TENM3: variants seen among roughly 807,000 people sequenced by gnomAD.
The protein encoded by TENM3 is teneurin transmembrane protein 3, also known as teneurin-3.
Under a neutral mutation model 255.1 loss-of-function variants are expected in TENM3, and 63 were observed. The observed-to-expected ratio is 0.25, with a 90% CI of 0.20 to 0.30. The LOEUF (loss-of-function observed/expected upper bound fraction) is 0.30. Among genes scored for constraint, TENM3 ranks in the 10% least tolerant of loss-of-function variants. TENM3 has a pLI of 1.00. For synonymous variants in TENM3, 1,306 were observed against 1,322.3 expected (o/e 0.99, Z 0.27); for missense variants, 2,929 against 3,461.1 (o/e 0.85, Z 3.86).
intron 3 of TENM3, among the ~76,000 whole-genome samples, chr4:182,563,862 T>A (rs2151983170): frequency 6.6e-6 from 1 of 152,322 alleles, no homozygotes; most frequent in Non-Finnish European, 1.5e-5. Context: ...AAAGTTATAG[T>A]TTTTATTGAT....
chr4:182,750,079 AT>A (rs1323428802), intron 19 of TENM3, among the ~76,000 whole-genome samples: 14 of 152,214 alleles, frequency 9.2e-5, no homozygotes, highest in Non-Finnish European at 2.1e-4. Flanking sequence ...AAGGGATGCA[AT>A]ATGTGTTGCT....
chr4:182,295,977 G>A (rs910465496), intron 1 of TENM3, among the ~76,000 whole-genome samples: 11 of 152,172 alleles, frequency 7.2e-5, no homozygotes, highest in African/African-American at 2.4e-4. Flanking sequence ...TTGAAATAGC[G>A]TTTCACTCTT....
At chr4:181,846,240 GA>G in the TENM3 span, among the ~76,000 whole-genome samples, 4 of 151,886 alleles carry the variant, frequency 2.6e-5, no homozygotes, top group Admixed American at 1.3e-4. Flanking sequence ...ATAAACATGT[GA>G]AAATATTTTG....
the TENM3 span, among the ~76,000 whole-genome samples, chr4:181,452,160 G>A: frequency 6.6e-6 from 1 of 152,160 alleles, no homozygotes; most frequent in Non-Finnish European, 1.5e-5. Context: ...TTTGATAGAA[G>A]AGTGGGCAAA....
chr4:181,506,847 T>C, the TENM3 span, among the ~76,000 whole-genome samples: 16,258 of 151,942 alleles, frequency 0.11, 998 homozygotes, highest in South Asian at 0.26. Context: ...CAATATTATG[T>C]GGTCTCAGTA....
At chr4:182,777,461 A>T (rs1428979623) in intron 24 of TENM3, among the ~76,000 whole-genome samples, 1 of 150,512 alleles carries the variant, frequency 6.6e-6, no homozygotes, top group Non-Finnish European at 1.5e-5. Flanking sequence ...ATAATAGGTT[A>T]AATGGAGATA....
chr4:182,408,231 A>G (rs933454870), intron 3 of TENM3, among the ~76,000 whole-genome samples: 33 of 152,200 alleles, frequency 2.2e-4, no homozygotes, highest in Non-Finnish European at 2.4e-4. Flanking sequence ...ATATCAACTT[A>G]GTTGTATTTA....
the TENM3 span, among the ~76,000 whole-genome samples, chr4:181,768,312 C>T: frequency 1.5e-3 from 222 of 152,200 alleles, no homozygotes; most frequent in African/African-American, 5.0e-3. Context: ...CCCGGGATGA[C>T]GCTAACTGGT....
the TENM3 span, among the ~76,000 whole-genome samples, chr4:181,965,794 T>A: frequency 2.6e-5 from 4 of 152,202 alleles, no homozygotes; most frequent in Non-Finnish European, 5.9e-5. Context: ...ATTCAGAATA[T>A]TTTTAAAAGA....
chr4:182,785,792 A>G (rs1441496201), intron 24 of TENM3, among the ~76,000 whole-genome samples: 1 of 145,096 alleles, frequency 6.9e-6, no homozygotes, highest in Non-Finnish European at 1.5e-5. Context: ...AAAAAAAAAG[A>G]CTTGAAAAGT....
intron 3 of TENM3, among the ~76,000 whole-genome samples, chr4:182,540,174 C>G (rs1740720299): frequency 6.6e-6 from 1 of 152,206 alleles, no homozygotes; most frequent in South Asian, 2.1e-4. Flanking sequence ...CTTCAGGCCT[C>G]TAGCATTTCC....
chr4:181,840,183 C>A, the TENM3 span, among the ~76,000 whole-genome samples: 124 of 152,114 alleles, frequency 8.2e-4, 1 homozygote, highest in African/African-American at 2.9e-3. Flanking sequence ...TACAGTTCAA[C>A]TTATCAGCTA....
chr4:182,134,595 C>T, the TENM3 span, among the ~76,000 whole-genome samples: 1 of 152,128 alleles, frequency 6.6e-6, no homozygotes, highest in Non-Finnish European at 1.5e-5. Flanking sequence ...AAGTGCTGGA[C>T]TTGGAGTACA....
intron 3 of TENM3, among the ~76,000 whole-genome samples, chr4:182,396,473 A>T (rs1580405500): frequency 6.6e-6 from 1 of 152,354 alleles, no homozygotes; most frequent in East Asian, 1.9e-4. Flanking sequence ...TAAATAAAAC[A>T]ACAGTGGCTG....
At chr4:182,004,630 A>C in the TENM3 span, among the ~76,000 whole-genome samples, 1 of 152,016 alleles carries the variant, frequency 6.6e-6, no homozygotes, top group Non-Finnish European at 1.5e-5. Flanking sequence ...TCTGGTTCTA[A>C]ATCCTTGAGG....
At chr4:182,478,224 A>T (rs1733862951) in intron 3 of TENM3, among the ~76,000 whole-genome samples, 1 of 152,066 alleles carries the variant, frequency 6.6e-6, no homozygotes, top group Non-Finnish European at 1.5e-5. Flanking sequence ...TCATTCTTTA[A>T]AAATAAACAC....
the TENM3 span, among the ~76,000 whole-genome samples, chr4:181,455,533 A>G: frequency 6.6e-6 from 1 of 152,126 alleles, no homozygotes; most frequent in Non-Finnish European, 1.5e-5. Context: ...ATTCAAGGGA[A>G]TCACTTTTTA....
chr4:182,792,254 A>G lies in TENM3; in HGVS notation c.5602-20A>G. ...CTCCCGTTCACAAACACTGAGTAAC[A>G]GTATGTTCTCTCTTTACAGTCCATG... On this transcript the variant is annotated intron_variant, in intron 25 of 27. Transcript: ENST00000511685. The surrounding 1 kb of genome is among the most constrained non-coding windows in gnomAD (Gnocchi z 6.3). The G allele has an allele frequency of 6.3e-7, 1 of 1,599,136 alleles. No homozygotes were observed. The highest frequency in any genetic ancestry group is 1.1e-5 in the South Asian group (1 of 90,108).
intron 12 of TENM3, among the ~76,000 whole-genome samples, chr4:182,712,461 G>A (rs6827284): frequency 1 from 151,794 of 152,058 alleles, 75,765 homozygotes; most frequent in Non-Finnish European, 1. Flanking sequence ...ACATCCATAA[G>A]GAAGATTCAC....
Sources: allele counts gnomAD v4.1 joint callset (sites outside exome capture counted in the v4.1 genomes callset), GRCh38; gene constraint gnomAD v4.1.1; non-coding constraint Gnocchi (gnomAD v3.1); transcripts MANE v1.5; gene names NCBI Gene and HGNC (gene_info 2026-07-23, HGNC 2026-07-21).